C12orf56: variants seen among roughly 807,000 people sequenced by gnomAD.
C12orf56 encodes uncharacterized protein C12orf56.
A neutral mutation model predicts 69.9 loss-of-function variants in C12orf56; 71 were observed. The observed-to-expected ratio is 1.02, with a 90% CI of 0.84 to 1.24. The LOEUF (loss-of-function observed/expected upper bound fraction) is 1.24. Among genes scored for constraint, C12orf56 ranks in the 50% most tolerant of loss-of-function variants. The pLI is 0.00. For synonymous variants in C12orf56, 276 were observed against 274.1 expected, an observed-to-expected ratio of 1.01 and a Z score of -0.07; for missense variants, 732 against 738.5, an observed-to-expected ratio of 0.99 and a Z score of 0.10.
chr12:64,270,591 G>A lies in C12orf56; in HGVS notation c.1708C>T (p.Arg570Trp), dbSNP rs745922973. Reference sequence around the variant, plus strand: ...TACTCAGCTAGAGTCCTGCTGTGCCGCAGACAGCTCTTGAGGATGTAAAAT... The same window carrying A: ...TACTCAGCTAGAGTCCTGCTGTGCCACAGACAGCTCTTGAGGATGTAAAAT... ...QQFYILKSCLRHSRTLAEYIR... is the reference protein window; with the variant it reads ...QQFYILKSCLWHSRTLAEYIR... Residue 570 changes from arginine (R) to tryptophan (W), a missense_variant, in exon 12 of 13, where the codon CGG becomes TGG. Arg to Trp is a moderately radical substitution (Grantham distance 101). Coordinates refer to ENST00000543942, the MANE Select transcript of C12orf56 (RefSeq NM_001170633.2). 1.5e-5 allele frequency: 24 copies of A among 1,612,708 alleles called. No individual in the cohort carries two copies. Among genetic ancestry groups the A allele is most frequent in the South Asian group, 8.8e-5 (8 of 90,906 alleles).
At chr12:64,323,220 C>T (rs1288170059) in intron 3 of C12orf56, among the ~76,000 whole-genome samples, 3 of 152,116 alleles carry the variant, frequency 2.0e-5, no homozygotes, top group African/African-American at 7.2e-5. Flanking sequence ...CACTCAAGCC[C>T]CCAGTTCCAG....
chr12:64,319,055 A>G (rs1181728195), intron 3 of C12orf56, 75 bp from the exon 4 acceptor site: 1 of 1,292,926 alleles, frequency 7.7e-7, no homozygotes, highest in African/African-American at 1.5e-5. Flanking sequence ...CGGTAGTTTA[A>G]GACTGAACAC....
chr12:64,355,803 G>A (rs2039303810), intron 1 of C12orf56: 1 of 152,428 alleles, frequency 6.6e-6, no homozygotes. Context: ...AAGCTTTAAG[G>A]GTGGTACATC....
chr12:64,287,243 CAAAAAA>C (rs534894017), intron 6 of C12orf56, among the ~76,000 whole-genome samples: 11 of 98,762 alleles, frequency 1.1e-4, no homozygotes, highest in East Asian at 3.4e-4. Context: ...GAGACTCCAT[CAAAAAA>C]AAAAAAAAAA....
At chr12:64,329,051 C>T (rs185711202) in intron 3 of C12orf56, among the ~76,000 whole-genome samples, 2 of 150,946 alleles carry the variant, frequency 1.3e-5, no homozygotes, top group African/African-American at 2.4e-5. Flanking sequence ...GGTGACAGAG[C>T]GAGACTCAGT....
chr12:64,351,215 C>A (rs1303332143), intron 2 of C12orf56, among the ~76,000 whole-genome samples: 2 of 152,298 alleles, frequency 1.3e-5, no homozygotes, highest in Non-Finnish European at 2.9e-5. Flanking sequence ...AATATAGCCA[C>A]CACTCATCTG....
intron 3 of C12orf56, among the ~76,000 whole-genome samples, chr12:64,326,718 C>T (rs547555228): frequency 2.8e-5 from 4 of 143,516 alleles, no homozygotes; most frequent in Admixed American, 7.3e-5. Flanking sequence ...CCAGCCTGGG[C>T]GACGGAGCTA....
At chr12:64,374,433 G>A (rs1456701244) in intron 1 of C12orf56, among the ~76,000 whole-genome samples, 2 of 152,042 alleles carry the variant, frequency 1.3e-5, no homozygotes, top group Non-Finnish European at 2.9e-5. Context: ...GGGTCTCTAA[G>A]AATAATATAT....
At chr12:64,388,460 C>G (rs1282208869) in intron 1 of C12orf56, among the ~76,000 whole-genome samples, 1 of 152,072 alleles carries the variant, frequency 6.6e-6, no homozygotes, top group Admixed American at 6.6e-5. Context: ...TTACCTAAGT[C>G]TCCAACTCCT....
chr12:64,311,568 G>A (rs181978931), intron 5 of C12orf56, among the ~76,000 whole-genome samples: 1 of 152,240 alleles, frequency 6.6e-6, no homozygotes, highest in African/African-American at 2.4e-5. Context: ...TCAGGAAGAG[G>A]AAGAAGAGTA....
chr12:64,286,036 C>T lies in C12orf56; in HGVS notation c.1138G>A (p.Val380Ile), dbSNP rs2038197107. ...WKTSDLFYFIVNKLHEYLPES... is the reference protein window; with the variant it reads ...WKTSDLFYFIINKLHEYLPES... The stretch of plus-strand genomic sequence containing the variant: ...GGCAAGTACTCATGAAGTTTGTTTA[C>T]TATGAAATAGAAAAGGTCACTGGTC... Residue 380 changes from valine to isoleucine, a missense_variant, in exon 7 of 13, where the codon GTA becomes ATA. Coordinates refer to ENST00000543942, the MANE Select transcript of C12orf56 (RefSeq NM_001170633.2). 1 of 1,606,244 alleles carries T rather than the reference C, an allele frequency of 6.2e-7. No homozygotes were observed. Among genetic ancestry groups the T allele is most frequent in the Non-Finnish European group, 8.5e-7 (1 of 1,175,148 alleles).
chr12:64,320,686 G>C (rs1269605899), intron 3 of C12orf56, among the ~76,000 whole-genome samples: 1 of 152,150 alleles, frequency 6.6e-6, no homozygotes, highest in East Asian at 1.9e-4. Flanking sequence ...TCCTGGCTCT[G>C]CCACTTAATG....
At chr12:64,272,292 G>A (rs1166070225) in intron 11 of C12orf56, among the ~76,000 whole-genome samples, 1 of 152,088 alleles carries the variant, frequency 6.6e-6, no homozygotes, top group Non-Finnish European at 1.5e-5. Context: ...ATCTCCTGAG[G>A]TCAGGAGTTT....
intron 2 of C12orf56, among the ~76,000 whole-genome samples, chr12:64,334,031 A>G (rs1165165431): frequency 6.6e-6 from 1 of 152,226 alleles, no homozygotes; most frequent in Non-Finnish European, 1.5e-5. Context: ...AGCAGTTGAC[A>G]TGCTTCTTCA....
intron 3 of C12orf56, among the ~76,000 whole-genome samples, chr12:64,319,599 A>G (rs2038743851): frequency 6.6e-6 from 1 of 152,150 alleles, no homozygotes; most frequent in African/African-American, 2.4e-5. Context: ...GAGACACAGG[A>G]CTAGCTGGAT....
chr12:64,284,620 T>C (rs1022954121), intron 8 of C12orf56, 44 bp downstream of exon 8: 2 of 1,384,296 alleles, frequency 1.4e-6, no homozygotes, highest in African/African-American at 2.9e-5. Context: ...GAATAGTTAA[T>C]GGGTTGCAAC....
chr12:64,375,022 T>C (rs975688296), intron 1 of C12orf56, among the ~76,000 whole-genome samples: 2 of 152,110 alleles, frequency 1.3e-5, no homozygotes, highest in African/African-American at 2.4e-5. Context: ...TCTTGCTTTT[T>C]TTGCTAATGA....
intron 3 of C12orf56, among the ~76,000 whole-genome samples, chr12:64,320,418 C>G (rs2038756486): frequency 6.6e-6 from 1 of 152,180 alleles, no homozygotes; most frequent in African/African-American, 2.4e-5. Context: ...CTGCCTCCAC[C>G]TCCCAAAGTG....
chr12:64,367,435 T>C (rs924181927), intron 1 of C12orf56, among the ~76,000 whole-genome samples: 2 of 150,032 alleles, frequency 1.3e-5, no homozygotes, highest in African/African-American at 2.4e-5. Flanking sequence ...ATTGCTTCTA[T>C]TATGAGATAG....
Sources: allele counts gnomAD v4.1 joint callset (sites outside exome capture counted in the v4.1 genomes callset), GRCh38; gene constraint gnomAD v4.1.1; transcripts MANE v1.5; gene names NCBI Gene and HGNC (gene_info 2026-07-23, HGNC 2026-07-21).